LSAMP: variants seen among roughly 807,000 people sequenced by gnomAD.
LSAMP encodes the protein limbic system-associated membrane protein.
LSAMP carries 7 observed loss-of-function variants against 38.6 expected under a neutral mutation model. The ratio of observed to expected loss-of-function variants is 0.18; its 90% CI spans 0.10 to 0.34. The LOEUF (loss-of-function observed/expected upper bound fraction) is 0.34. Among genes scored for constraint, LSAMP ranks in the 10% least tolerant of loss-of-function variants. The pLI, the probability that LSAMP is intolerant of heterozygous loss-of-function variation, is 1.00. For missense variants in LSAMP, 313 were observed against 420.0 expected (o/e 0.75, Z 2.23); for synonymous variants, 154 against 166.8 (o/e 0.92, Z 0.59).
At chr3:116,295,595 T>C (rs770647436) in intron 1 of LSAMP, among the ~76,000 whole-genome samples, 2 of 152,350 alleles carry the variant, frequency 1.3e-5, no homozygotes, top group South Asian at 2.1e-4. Context: ...CATGTCCTTC[T>C]AGTCACAGTT....
intron 1 of LSAMP, among the ~76,000 whole-genome samples, chr3:116,348,243 C>T (rs1437002344): frequency 1.3e-5 from 2 of 152,086 alleles, no homozygotes; most frequent in Non-Finnish European, 2.9e-5. Context: ...GCTAAGGGAT[C>T]ATACTCTCTT....
At chr3:116,186,385 A>G (rs1710617002) in intron 1 of LSAMP, among the ~76,000 whole-genome samples, 1 of 152,096 alleles carries the variant, frequency 6.6e-6, no homozygotes, top group South Asian at 2.1e-4. Flanking sequence ...TCTTGGCTTG[A>G]TCTCTATCTT....
chr3:116,178,045 G>A (rs952218571), intron 1 of LSAMP, among the ~76,000 whole-genome samples: 1 of 152,144 alleles, frequency 6.6e-6, no homozygotes. Flanking sequence ...AGCAGGGTTA[G>A]TAGGTAATAA....
At chr3:116,128,331 C>G (rs527498233) in intron 1 of LSAMP, among the ~76,000 whole-genome samples, 1 of 152,288 alleles carries the variant, frequency 6.6e-6, no homozygotes, top group South Asian at 2.1e-4. Context: ...TTTCTCATAG[C>G]TGGATAGAAG....
At chr3:116,282,130 C>T (rs945840832) in intron 1 of LSAMP, among the ~76,000 whole-genome samples, 4 of 152,126 alleles carry the variant, frequency 2.6e-5, no homozygotes, top group African/African-American at 7.2e-5. Flanking sequence ...AAACAGACTG[C>T]GCTCATGCTG....
chr3:116,174,866 C>T (rs1710298294), intron 1 of LSAMP, among the ~76,000 whole-genome samples: 1 of 152,098 alleles, frequency 6.6e-6, no homozygotes, highest in Non-Finnish European at 1.5e-5. Flanking sequence ...CTTTTCCATC[C>T]TTGTCTTTGA....
At chr3:116,391,764 G>C (rs1037796122) in intron 1 of LSAMP, among the ~76,000 whole-genome samples, 1 of 152,198 alleles carries the variant, frequency 6.6e-6, no homozygotes, top group Non-Finnish European at 1.5e-5. Flanking sequence ...TGGGAGCAGT[G>C]ACTGGTGCCC....
intron 1 of LSAMP, among the ~76,000 whole-genome samples, chr3:116,135,777 C>T (rs946974301): frequency 2.0e-5 from 3 of 152,098 alleles, no homozygotes; most frequent in Admixed American, 1.3e-4. Context: ...TGTGCTTGTC[C>T]GTTGTTTCGA....
At chr3:116,260,767 C>T (rs557811548) in intron 1 of LSAMP, among the ~76,000 whole-genome samples, 2 of 152,274 alleles carry the variant, frequency 1.3e-5, no homozygotes, top group South Asian at 4.1e-4. Context: ...GGGGAGAAAG[C>T]CAATTAGTGT....
At chr3:115,963,632 C>A (rs79238630) in intron 3 of LSAMP, among the ~76,000 whole-genome samples, 1,613 of 152,222 alleles carry the variant, frequency 0.011, 17 homozygotes, top group African/African-American at 0.024. Context: ...TACTTGAAAT[C>A]GGTGTAAGAG....
chr3:116,316,595 A>AC (rs1213637718), intron 1 of LSAMP, among the ~76,000 whole-genome samples: 9 of 151,538 alleles, frequency 5.9e-5, no homozygotes, highest in Admixed American at 1.3e-4. Flanking sequence ...ACATTATGAA[A>AC]CCCCGTCTCT....
intron 3 of LSAMP, among the ~76,000 whole-genome samples, chr3:115,934,419 C>T (rs1937633908): frequency 6.6e-6 from 1 of 152,048 alleles, no homozygotes. Context: ...TCAAGCAATC[C>T]ACCTGCCTCG....
intron 1 of LSAMP, among the ~76,000 whole-genome samples, chr3:116,351,784 G>A (rs1457036784): frequency 1.3e-5 from 2 of 152,050 alleles, no homozygotes; most frequent in Admixed American, 6.6e-5. Flanking sequence ...CACACGTAAT[G>A]TGAATAAATA....
intron 1 of LSAMP, among the ~76,000 whole-genome samples, chr3:116,258,268 T>A (rs1226335121): frequency 6.6e-6 from 1 of 152,018 alleles, no homozygotes; most frequent in Non-Finnish European, 1.5e-5. Context: ...ATTATAATCT[T>A]TTTTTTACCA....
At chr3:116,394,277 T>G (rs911845599) in intron 1 of LSAMP, among the ~76,000 whole-genome samples, 1 of 152,204 alleles carries the variant, frequency 6.6e-6, no homozygotes, top group African/African-American at 2.4e-5. Context: ...AAATTTCTTA[T>G]AGATGAAAGG....
At chr3:115,955,349 T>C (rs1214545268) in intron 3 of LSAMP, among the ~76,000 whole-genome samples, 1 of 152,214 alleles carries the variant, frequency 6.6e-6, no homozygotes, top group East Asian at 1.9e-4. Flanking sequence ...AATTTGTTTT[T>C]CCCTCACTCC....
At chr3:115,850,206 G>C (rs751326546) in intron 4 of LSAMP, among the ~76,000 whole-genome samples, 13 of 152,182 alleles carry the variant, frequency 8.5e-5, no homozygotes, top group African/African-American at 2.9e-4. Flanking sequence ...TTTGGGGACA[G>C]TCAAGAAGAA....
chr3:115,869,287 A>G (rs1935954715), intron 3 of LSAMP, among the ~76,000 whole-genome samples: 1 of 151,798 alleles, frequency 6.6e-6, no homozygotes, highest in Non-Finnish European at 1.5e-5. Context: ...AGAGAGAGAG[A>G]GAGAGAGAGA....
intron 1 of LSAMP, among the ~76,000 whole-genome samples, chr3:116,140,536 A>G (rs1484744227): frequency 6.6e-6 from 1 of 152,044 alleles, no homozygotes; most frequent in Admixed American, 6.6e-5. Context: ...TTAGAAAAAT[A>G]AAGTGCTTAA....
Sources: allele counts gnomAD v4.1 joint callset (sites outside exome capture counted in the v4.1 genomes callset), GRCh38; gene constraint gnomAD v4.1.1; transcripts MANE v1.5; gene names NCBI Gene and HGNC (gene_info 2026-07-23, HGNC 2026-07-21).